The following ARHGEF26 variants were observed in gnomAD, a reference collection of about 807,000 sequenced individuals.
ARHGEF26 encodes the protein Rho guanine nucleotide exchange factor (GEF) 26.
In ARHGEF26, 59 loss-of-function variants were observed where a neutral mutation model predicts 89.4. The observed-to-expected ratio is 0.66, with a 90% CI of 0.54 to 0.82. The LOEUF is 0.82. Among genes scored for constraint, ARHGEF26 ranks in the 40% least tolerant of loss-of-function variants. ARHGEF26 has a pLI of 0.00. For missense variants in ARHGEF26, 1,234 were observed against 1,085.6 expected (o/e 1.14, Z -1.92); for synonymous variants, 500 against 428.4 (o/e 1.17, Z -2.06).
chr3:154,121,825 TG>T, intron 1 of ARHGEF26, 116 bp from the exon 2 acceptor site: 2 of 914,014 alleles, frequency 2.2e-6, no homozygotes, highest in East Asian at 5.4e-5. Context: ...GGCGGGTAAG[TG>T]CGGTGCAGTC....
intron 6 of ARHGEF26, among the ~76,000 whole-genome samples, chr3:154,182,684 T>A (rs1044129431): frequency 8.5e-5 from 13 of 152,236 alleles, no homozygotes; most frequent in African/African-American, 3.1e-4. Flanking sequence ...AGTTGAGGGT[T>A]GGCCAGTAGT....
chr3:154,212,175 C>T (rs1715411258), intron 9 of ARHGEF26, among the ~76,000 whole-genome samples: 1 of 151,878 alleles, frequency 6.6e-6, no homozygotes, highest in East Asian at 1.9e-4. Flanking sequence ...CTCTTCTCCA[C>T]AGTAAATCAA....
chr3:154,183,942 C>T lies in ARHGEF26; in HGVS notation c.1488-3743C>T, dbSNP rs147179427. Among the ~76,000 whole-genome samples the T allele has an allele frequency of 2.6e-5, 4 of 151,414 alleles. No homozygotes were observed. In the East Asian group the frequency reaches 7.8e-4, roughly 29 times the overall value. On this transcript the variant is annotated intron_variant, in intron 6 of 14. Transcript: ENST00000465093. ...AGATATTTATATCCTAGAATTATAACGGCCTTATGGTTTCTTCTTTTTTCA... is the reference window on the plus strand; with the variant it reads ...AGATATTTATATCCTAGAATTATAATGGCCTTATGGTTTCTTCTTTTTTCA...
rs367830060 is a variant in ARHGEF26 at position 154,225,836 on chromosome 3, G to T, written c.1936-20G>T. ...GGATTTCAATTTAGCTTTGGTCACTGGGTTTTTCTCCTTTTGTAGCCTTTT... is the reference window on the plus strand; with the variant it reads ...GGATTTCAATTTAGCTTTGGTCACTTGGTTTTTCTCCTTTTGTAGCCTTTT... On this transcript the variant is annotated intron_variant, in intron 10 of 14. Transcript: ENST00000465093. The T allele has an allele frequency of 1.6e-5, 25 of 1,577,630 alleles. No homozygotes were observed. The highest frequency in any genetic ancestry group is 2.1e-5 in the Non-Finnish European group (25 of 1,167,110).
intron 6 of ARHGEF26, among the ~76,000 whole-genome samples, chr3:154,172,457 G>A (rs1712510684): frequency 6.6e-6 from 1 of 152,246 alleles, no homozygotes; most frequent in African/African-American, 2.4e-5. Context: ...CACTTTGGGA[G>A]GACAAGGCAG....
At chr3:154,126,691 G>A (rs1322771597) in intron 3 of ARHGEF26, among the ~76,000 whole-genome samples, 1 of 152,156 alleles carries the variant, frequency 6.6e-6, no homozygotes, top group Non-Finnish European at 1.5e-5. Context: ...GATTTGGACT[G>A]TCTGGCTCAT....
At chr3:154,196,136 T>C (rs1395561364) in intron 9 of ARHGEF26, among the ~76,000 whole-genome samples, 1 of 151,910 alleles carries the variant, frequency 6.6e-6, no homozygotes, top group East Asian at 1.9e-4. Context: ...GCTGAGTGTA[T>C]TGAGAAATGA....
chr3:154,168,065 T>A (rs970438881), intron 6 of ARHGEF26, among the ~76,000 whole-genome samples: 2 of 152,246 alleles, frequency 1.3e-5, no homozygotes, highest in African/African-American at 4.8e-5. Flanking sequence ...GAGCTTATTT[T>A]ACTCTTTCAC....
chr3:154,151,660 A>G (rs1418681547), intron 5 of ARHGEF26, among the ~76,000 whole-genome samples: 1 of 152,200 alleles, frequency 6.6e-6, no homozygotes, highest in Non-Finnish European at 1.5e-5. Flanking sequence ...AGATTAGCAC[A>G]TTTAAGTAAG....
chr3:154,140,279 A>G (rs1189762358), intron 4 of ARHGEF26, among the ~76,000 whole-genome samples: 3 of 152,362 alleles, frequency 2.0e-5, no homozygotes, highest in Middle Eastern at 6.8e-3. Context: ...GTCCCGGGAC[A>G]ATGCCACGAG....
Position 154,185,909 on chromosome 3 carries a change from A to T in ARHGEF26, c.1488-1776A>T, listed in dbSNP as rs1170780895. The stretch of plus-strand genomic sequence containing the variant: ...AGGTATTTCAAGGAGCTGTGTTCCA[A>T]GGACCAGGGATGAAGACCAAATACT... On this transcript the variant is annotated intron_variant, in intron 6 of 14. Transcript: ENST00000465093. 2.0e-5 allele frequency among the ~76,000 whole-genome samples: 3 copies of T among 152,312 alleles called. No individual in the cohort carries two copies. The East Asian group carries it at 5.8e-4, about 29-fold the overall frequency.
At position 154,148,760 on chromosome 3, in the gene ARHGEF26, T is replaced by A. The variant is rs1719834284; in HGVS notation, c.1270-629T>A. ...GCAGCTCTGAAGGGTTACATTCTTC[T>A]GGCCAGTCTCCTCCCTTATTAAAAT... On this transcript the variant is annotated intron_variant, in intron 4 of 14. Coordinates refer to ENST00000465093, the MANE Select transcript of ARHGEF26 (RefSeq NM_015595.4). 2.0e-5 allele frequency among the ~76,000 whole-genome samples: 3 copies of A among 152,212 alleles called. No homozygotes were observed. The East Asian group carries it at 5.8e-4, about 29-fold the overall frequency.
At chr3:154,166,538 T>A (rs1451940200) in intron 6 of ARHGEF26, among the ~76,000 whole-genome samples, 1 of 152,160 alleles carries the variant, frequency 6.6e-6, no homozygotes, top group Non-Finnish European at 1.5e-5. Flanking sequence ...AACAACATCT[T>A]TGAGGGAAAC....
chr3:154,122,220 G>C lies in ARHGEF26; in HGVS notation c.228G>C (p.Thr76=). The C allele has an allele frequency of 2.5e-6, 4 of 1,608,290 alleles. No individual in the cohort carries two copies. Among genetic ancestry groups the C allele is most frequent in the Middle Eastern group, 1.7e-4 (1 of 6,054 alleles). ...AQVPTASDSR[T]VHRSPLLLGA... is the part of the protein sequence containing the mutation. The stretch of plus-strand genomic sequence containing the variant: ...TGCCCACCGCCTCGGACAGCAGGAC[G>C]GTACATAGGAGCCCCCTGCTTCTGG... The change falls in exon 2 of 15, where the codon ACG becomes ACC. Residue 76 remains threonine, a synonymous_variant. Coordinates refer to ENST00000465093, the MANE Select transcript of ARHGEF26 (RefSeq NM_015595.4).
Position 154,126,471 on chromosome 3 carries a change from A to G in ARHGEF26, c.1123+2022A>G, listed in dbSNP as rs553711517. Among the ~76,000 whole-genome samples, 3 of 152,262 alleles carry G rather than the reference A, an allele frequency of 2.0e-5. No homozygotes were observed. The South Asian group carries it at 6.2e-4, about 32-fold the overall frequency. ...AGTCTGTTCTATGTTATGTAGCTCAAATCTCCATCATCTTTCGTTGACTAC... is the reference window on the plus strand; with the variant it reads ...AGTCTGTTCTATGTTATGTAGCTCAGATCTCCATCATCTTTCGTTGACTAC... On this transcript the variant is annotated intron_variant, in intron 3 of 14. Coordinates refer to ENST00000465093, the MANE Select transcript of ARHGEF26 (RefSeq NM_015595.4).
chr3:154,191,313 A>G lies in ARHGEF26; in HGVS notation c.1665A>G (p.Glu555=), dbSNP rs964303155. 6 of 1,612,630 alleles carry G rather than the reference A, an allele frequency of 3.7e-6. No homozygotes were observed. Among genetic ancestry groups the G allele is most frequent in the East Asian group, 2.2e-5 (1 of 44,882 alleles). Residue 555 remains glutamate (E), a synonymous_variant, in exon 8 of 15, where the codon GAA becomes GAG. Coordinates refer to ENST00000465093, the MANE Select transcript of ARHGEF26 (RefSeq NM_015595.4). ...KLLATNPSFK[E]VLSRIESHED... ...GAGCTACCAATCCATCCTTTAAGGA[A>G]GTATTGTCAAGGATTGAGTCCCATG...
chr3:154,249,613 T>C (rs1718001984), intron 12 of ARHGEF26, among the ~76,000 whole-genome samples: 1 of 152,174 alleles, frequency 6.6e-6, no homozygotes, highest in East Asian at 1.9e-4. Context: ...TGTTCCCTCA[T>C]ACTGAGGGCG....
intron 7 of ARHGEF26, among the ~76,000 whole-genome samples, chr3:154,190,489 T>C (rs992778358): frequency 6.6e-6 from 1 of 152,078 alleles, no homozygotes; most frequent in African/African-American, 2.4e-5. Context: ...GCCTAGGTGA[T>C]AGAGCAAGAC....
rs780333740 is a variant in ARHGEF26, at chr3:154,253,131, C to T, written c.2316C>T (p.Arg772=). 34 of 1,614,034 alleles carry T rather than the reference C, an allele frequency of 2.1e-5. 1 individual carries two copies. The highest frequency in any genetic ancestry group is 2.8e-5 in the Non-Finnish European group (33 of 1,179,886). The change falls in exon 13 of 15, where the codon CGC becomes CGT. Residue 772 remains arginine (R), a synonymous_variant. Transcript: ENST00000465093. ...LGAETQSERA[R]WITALGHSSG... Reference sequence around the variant, plus strand: ...TCTGTTTTAGGAGCGAGCGAGCCCGCTGGATAACTGCCCTGGGACACAGCA... The same window carrying T: ...TCTGTTTTAGGAGCGAGCGAGCCCGTTGGATAACTGCCCTGGGACACAGCA...
Sources: allele counts gnomAD v4.1 joint callset (sites outside exome capture counted in the v4.1 genomes callset), GRCh38; gene constraint gnomAD v4.1.1; transcripts MANE v1.5; gene names NCBI Gene and HGNC (gene_info 2026-07-23, HGNC 2026-07-21).